Variants in NLRP12 observed in about 807,000 individuals in gnomAD.
The protein encoded by NLRP12 is NLR family pyrin domain containing 12, also known as NACHT, LRR and PYD domains-containing protein 12.
In NLRP12, 108 loss-of-function variants were observed where a neutral mutation model predicts 91.2. The ratio of observed to expected loss-of-function variants is 1.18; its 90% CI spans 1.01 to 1.39. NLRP12 has a LOEUF of 1.39. NLRP12 is among the 40% of genes most tolerant of loss of function. NLRP12 has a pLI of 0.00. For missense variants in NLRP12, 1,530 were observed against 1,352.7 expected (o/e 1.13, Z -2.06); for synonymous variants, 613 against 566.7 (o/e 1.08, Z -1.16).
chr19:53,793,924 T>G lies in NLRP12; in HGVS notation c.*125A>C. Reference sequence around the variant, plus strand: ...TTAATTTGATCCCAAGCAGAGGGACTTTTGATCTCAATCTGCATGAGTCTG... The same window carrying G: ...TTAATTTGATCCCAAGCAGAGGGACGTTTGATCTCAATCTGCATGAGTCTG... On this transcript the variant is annotated 3_prime_UTR_variant, in exon 10 of 10. Transcript: ENST00000324134. 1 of 782,016 alleles carries G rather than the reference T, an allele frequency of 1.3e-6. No individual in the cohort carries two copies. Among genetic ancestry groups the G allele is most frequent in the Non-Finnish European group, 2.3e-6 (1 of 435,040 alleles). 48.4% of individuals were successfully genotyped at this position (782,016 alleles called of 1,614,324 possible). A position where few individuals can be genotyped will look rare whatever the true frequency, so the allele number is the denominator to read the frequency against.
At chr19:53,819,872 G>A (rs1394948382) in intron 1 of NLRP12, among the ~76,000 whole-genome samples, 1 of 150,278 alleles carries the variant, frequency 6.7e-6, no homozygotes, top group African/African-American at 2.5e-5. Flanking sequence ...AAGAAAGGAA[G>A]GAGGGAAGGA....
At chr19:53,808,394 A>T (rs2091997552) in intron 3 of NLRP12, 1 of 157,600 alleles carries the variant, frequency 6.3e-6, no homozygotes, top group Non-Finnish European at 1.4e-5. Context: ...TTATTCACAC[A>T]GTCTTCTGTC....
chr19:53,810,708 T>C lies in NLRP12; in HGVS notation c.951A>G (p.Lys317=). 6.2e-7 allele frequency: 1 copy of C among 1,613,860 alleles called. No homozygotes were observed. Among genetic ancestry groups the C allele is most frequent in the Non-Finnish European group, 8.5e-7 (1 of 1,179,996 alleles). The part of the protein sequence containing the change: ...QGPWCLCWEE[K]RPTELLLNSL... ...TGTTAAGAAGCAGCTCCGTGGGCCG[T>C]TTCTCCTCCCAGCAGAGGCACCAGG... is the stretch of plus-strand genomic sequence containing the variant. Residue 317 remains lysine (K), a synonymous_variant, in exon 3 of 10, where the codon AAA becomes AAG. Coordinates refer to ENST00000324134, the MANE Select transcript of NLRP12 (RefSeq NM_144687.4).
chr19:53,797,085 A>G (rs562589387), intron 8 of NLRP12, among the ~76,000 whole-genome samples: 1 of 152,214 alleles, frequency 6.6e-6, no homozygotes, highest in Non-Finnish European at 1.5e-5. Context: ...GTGAGGGAGA[A>G]AGTCACAATT....
intron 4 of NLRP12, among the ~76,000 whole-genome samples, chr19:53,806,101 A>T (rs2091954120): frequency 6.6e-6 from 1 of 151,752 alleles, no homozygotes; most frequent in Non-Finnish European, 1.5e-5. Flanking sequence ...GGGTGTGGTG[A>T]TGCACCCCTG....
rs538616124 is a variant in NLRP12 at position 53,810,922 on chromosome 19, T to G, written c.737A>C (p.Tyr246Ser). Residue 246 changes from tyrosine to serine, a missense_variant, in exon 3 of 10, where the codon TAT (tyrosine) becomes TCT (serine). Coordinates refer to ENST00000324134, the MANE Select transcript of NLRP12 (RefSeq NM_144687.4). Reference protein sequence around the residue: ...DGKLFQGRFDYLFYINCREMN... With the variant: ...DGKLFQGRFDSLFYINCREMN... ...CTCCCTGCAGTTGATGTAGAAGAGA[T>G]AATCAAATCTGCCTTGGAAGAGCTT... The G allele has an allele frequency of 6.8e-6, 11 of 1,614,114 alleles. No individual in the cohort carries two copies. In the South Asian group the frequency reaches 9.9e-5, roughly 14 times the overall value.
At chr19:53,815,915 G>C (rs1425972692) in intron 1 of NLRP12, among the ~76,000 whole-genome samples, 1 of 151,282 alleles carries the variant, frequency 6.6e-6, no homozygotes, top group East Asian at 1.9e-4. Flanking sequence ...TGGCGACTCT[G>C]TCTCTTAAAA....
chr19:53,820,841 C>CCGCGCCCA (rs1346654072), intron 1 of NLRP12, among the ~76,000 whole-genome samples: 1 of 150,994 alleles, frequency 6.6e-6, no homozygotes, highest in African/African-American at 2.4e-5. Context: ...GCGCCCATCA[C>CCGCGCCCA]TGCGCCCAGC....
At chr19:53,799,352 A>AT (rs1435798177) in intron 7 of NLRP12, among the ~76,000 whole-genome samples, 2 of 151,828 alleles carry the variant, frequency 1.3e-5, no homozygotes, top group African/African-American at 4.8e-5. Context: ...TGGTGCCTTG[A>AT]TAAAAAAAAT....
intron 7 of NLRP12, among the ~76,000 whole-genome samples, chr19:53,800,229 C>T (rs2091844487): frequency 2.0e-5 from 3 of 152,030 alleles, no homozygotes; most frequent in African/African-American, 4.8e-5. Flanking sequence ...GGTGTGAACC[C>T]GGGAGGTGGA....
At chr19:53,804,907 G>A (rs919308927) in intron 5 of NLRP12, among the ~76,000 whole-genome samples, 2 of 151,988 alleles carry the variant, frequency 1.3e-5, no homozygotes, top group Admixed American at 1.3e-4. Flanking sequence ...GTGGGTGCCT[G>A]TAATCCCAGC....
intron 9 of NLRP12, among the ~76,000 whole-genome samples, chr19:53,795,125 T>G (rs2091729983): frequency 6.6e-6 from 1 of 151,204 alleles, no homozygotes; most frequent in Non-Finnish European, 1.5e-5. Context: ...TGTGTGTGTG[T>G]GTGTGTGTGT....
chr19:53,815,317 C>G (rs1216619847), intron 1 of NLRP12, among the ~76,000 whole-genome samples: 1 of 150,792 alleles, frequency 6.6e-6, no homozygotes, highest in African/African-American at 2.4e-5. Context: ...CAACCTCCAC[C>G]TCCTGAATTC....
chr19:53,814,822 A>G (rs1029866333), intron 2 of NLRP12, 86 bp downstream of exon 2: 1 of 1,054,090 alleles, frequency 9.5e-7, no homozygotes, highest in African/African-American at 1.6e-5. Context: ...GAATTCCTCA[A>G]TCACGCGTTT....
Position 53,795,976 on chromosome 19 carries a change from A to G in NLRP12, c.2981T>C (p.Leu994Pro), listed in dbSNP as rs769476370. ...GTCGGTCAAGGTCTGGTTGATCCCC[A>G]GGGTGAAGTAAAGATTCTCACAAGC... The part of the protein sequence containing the change: ...AKACENLYFT[L>P]GINQTLTDLY... The change falls in exon 9 of 10, where the codon CTG (leucine) becomes CCG (proline). Residue 994 changes from leucine (L) to proline (P), a missense_variant. Physicochemically the swap from Leu to Pro is moderately conservative, Grantham distance 98. Coordinates refer to ENST00000324134, the MANE Select transcript of NLRP12 (RefSeq NM_144687.4). 75 of 1,614,054 alleles carry G rather than the reference A, an allele frequency of 4.6e-5. No homozygotes were observed. The highest frequency in any genetic ancestry group is 1.6e-4 in the Middle Eastern group (1 of 6,084).
chr19:53,823,443 G>A (rs796421540), intron 1 of NLRP12, among the ~76,000 whole-genome samples: 16,620 of 103,120 alleles, frequency 0.16, 1,397 homozygotes, highest in Middle Eastern at 0.26. Context: ...TAAAATATAT[G>A]TTTTAAATAT....
In NLRP12 at chr19:53,798,478, C is replaced by T. The variant is rs2091811530; in HGVS notation, c.2757-65G>A. 3.3e-6 allele frequency: 5 copies of T among 1,525,236 alleles called. No individual in the cohort carries two copies. The Admixed American group carries it at 9.4e-5, about 29-fold the overall frequency. 94.5% of individuals were successfully genotyped at this position (1,525,236 alleles called of 1,614,324 possible). ...CTCCTGCAAAATCTGCTGGGAGGGC[C>T]CTGTGCCAAGCCCTGTGCTGGTTGC... On this transcript the variant is annotated intron_variant, in intron 7 of 9. Transcript: ENST00000324134.
intron 1 of NLRP12, among the ~76,000 whole-genome samples, chr19:53,818,679 A>ATAAG (rs2092200393): frequency 6.6e-6 from 1 of 151,912 alleles, no homozygotes; most frequent in African/African-American, 2.4e-5. Flanking sequence ...AAATAAATAA[A>ATAAG]TAAAAATAAA....
chr19:53,810,617 C>A lies in NLRP12; in HGVS notation c.1042G>T (p.Glu348Ter), dbSNP rs1261427103. 6.2e-7 allele frequency: 1 copy of A among 1,614,092 alleles called. No homozygotes were observed. The highest frequency in any genetic ancestry group is 1.7e-5 in the Admixed American group (1 of 59,988). ...TGCTCCAGCAGACGGTGGAGCTTCTCCAAAGCCGTGGGCCGTGTGGTGATG... is the reference window on the plus strand; with the variant it reads ...TGCTCCAGCAGACGGTGGAGCTTCTACAAAGCCGTGGGCCGTGTGGTGATG... ...LLITTRPTAL[E>*]KLHRLLEHPR... The change falls in exon 3 of 10, where the codon GAG becomes TAG. Residue 348 changes from glutamate to a stop codon, truncating the protein, a stop_gained. Coordinates refer to ENST00000324134, the MANE Select transcript of NLRP12 (RefSeq NM_144687.4). LOFTEE classifies it high-confidence loss of function.
Sources: gnomAD v4.1 joint callset for allele counts (sites outside exome capture counted in the v4.1 genomes callset) on GRCh38, gnomAD v4.1.1 for gene constraint, MANE v1.5 for transcripts, NCBI Gene and HGNC (gene_info 2026-07-23, HGNC 2026-07-21) for gene names.